Variants in SEM1 observed in about 807,000 individuals in gnomAD.
The protein encoded by SEM1 is 26S proteasome complex subunit SEM1.
SEM1 carries 3 observed loss-of-function variants against 12.7 expected under a neutral mutation model. The ratio of observed to expected loss-of-function variants is 0.24; its 90% CI spans 0.11 to 0.61. The LOEUF (loss-of-function observed/expected upper bound fraction) is 0.61. SEM1 is among the 20% of genes least tolerant of loss of function. The pLI, the probability that SEM1 is intolerant of heterozygous loss-of-function variation, is 0.88. For missense variants in SEM1, 59 were observed against 81.3 expected, an observed-to-expected ratio of 0.73 and a Z score of 1.06; for synonymous variants, 30 against 27.8, an observed-to-expected ratio of 1.08 and a Z score of -0.25.
At chr7:96,679,440 C>A (rs999581597) in intron 2 of SEM1, among the ~76,000 whole-genome samples, 1 of 151,846 alleles carries the variant, frequency 6.6e-6, no homozygotes, top group African/African-American at 2.4e-5. Context: ...TATTTATGAA[C>A]CCTAACATAG....
chr7:96,505,553 T>C (rs1803730033), intron 3 of SEM1, among the ~76,000 whole-genome samples: 1 of 152,202 alleles, frequency 6.6e-6, no homozygotes, highest in Admixed American at 6.5e-5. Context: ...TTTTCTTGCA[T>C]TTCCTATTTT....
chr7:96,501,338 T>C (rs911336104), upstream of SEM1, among the ~76,000 whole-genome samples: 1 of 152,146 alleles, frequency 6.6e-6, no homozygotes, highest in African/African-American at 2.4e-5. Flanking sequence ...TTTAGTAATA[T>C]TAACTCCTAC....
At chr7:96,516,634 G>A (rs1381792757) in intron 2 of SEM1, among the ~76,000 whole-genome samples, 2 of 152,100 alleles carry the variant, frequency 1.3e-5, no homozygotes, top group Non-Finnish European at 2.9e-5. Context: ...ATTGATGGTG[G>A]AAATATAAAA....
chr7:96,501,004 A>G (rs972742428), upstream of SEM1, among the ~76,000 whole-genome samples: 2 of 152,200 alleles, frequency 1.3e-5, no homozygotes, highest in African/African-American at 2.4e-5. Flanking sequence ...ATGAAATCCC[A>G]AAGAACCAAG....
intron 2 of SEM1, among the ~76,000 whole-genome samples, chr7:96,613,309 TTC>T (rs1281829158): frequency 2.6e-5 from 4 of 152,242 alleles, no homozygotes; most frequent in African/African-American, 9.6e-5. Flanking sequence ...CGTTCATGGA[TTC>T]TCTTTTGAGC....
intron 2 of SEM1, among the ~76,000 whole-genome samples, chr7:96,517,578 C>G (rs1446442821): frequency 1.3e-5 from 2 of 152,108 alleles, no homozygotes; most frequent in Non-Finnish European, 2.9e-5. Context: ...GGGGAAACTT[C>G]ATATTTCTGG....
intron 2 of SEM1, among the ~76,000 whole-genome samples, chr7:96,642,013 G>C (rs1301604843): frequency 2.0e-5 from 3 of 151,944 alleles, no homozygotes; most frequent in African/African-American, 7.2e-5. Flanking sequence ...AATTTGCACT[G>C]TCCAATATGG....
chr7:96,486,789 T>C (rs892384240), intron 1 of SEM1, among the ~76,000 whole-genome samples: 1 of 152,218 alleles, frequency 6.6e-6, no homozygotes, highest in African/African-American at 2.4e-5. Context: ...GGGATGGGTG[T>C]GTAGTTGCAG....
chr7:96,623,525 CATAT>C (rs1807961220), intron 2 of SEM1, among the ~76,000 whole-genome samples: 1 of 145,446 alleles, frequency 6.9e-6, no homozygotes, highest in African/African-American at 2.5e-5. Context: ...TAAATATATT[CATAT>C]ATACTTGTTT....
chr7:96,533,779 T>C (rs957104088), intron 2 of SEM1, among the ~76,000 whole-genome samples: 1 of 152,006 alleles, frequency 6.6e-6, no homozygotes, highest in Non-Finnish European at 1.5e-5. Flanking sequence ...TTTCATTGCA[T>C]CATCATTTGA....
At chr7:96,538,962 G>A (rs1284430797) in intron 2 of SEM1, among the ~76,000 whole-genome samples, 1 of 151,778 alleles carries the variant, frequency 6.6e-6, no homozygotes, top group African/African-American at 2.4e-5. Flanking sequence ...ACCTGCTATG[G>A]TTGCTATAAA....
intron 2 of SEM1, among the ~76,000 whole-genome samples, chr7:96,601,858 C>G (rs1807208982): frequency 1.3e-5 from 2 of 151,716 alleles, no homozygotes; most frequent in Non-Finnish European, 2.9e-5. Context: ...TAGGGAGGTA[C>G]CAGTGAAGGT....
downstream of SEM1, among the ~76,000 whole-genome samples, chr7:96,618,877 GGT>G (rs1197294584): frequency 6.6e-6 from 1 of 152,024 alleles, no homozygotes; most frequent in African/African-American, 2.4e-5. Context: ...CTTGAGCCCA[GGT>G]GTTCAAGGCT....
downstream of SEM1, chr7:96,673,205 T>G (rs1789366923): frequency 6.6e-6 from 1 of 152,198 alleles, no homozygotes; most frequent in Admixed American, 6.5e-5. Context: ...AACCTCCACC[T>G]CCCGGGTTCA....
upstream of SEM1, chr7:96,496,453 A>G (rs1778879138): frequency 2.8e-5 from 16 of 561,596 alleles, no homozygotes; most frequent in South Asian, 4.1e-4. Context: ...AACAAATGGA[A>G]CATATGTTTT....
At chr7:96,646,012 T>A (rs942952429) in intron 2 of SEM1, 1 of 396,652 alleles carries the variant, frequency 2.5e-6, no homozygotes, top group African/African-American at 2.1e-5. Flanking sequence ...TTTCACTGAT[T>A]CATCATGTCT....
chr7:96,592,666 G>A (rs1272698902), intron 2 of SEM1, among the ~76,000 whole-genome samples: 1 of 151,634 alleles, frequency 6.6e-6, no homozygotes, highest in Non-Finnish European at 1.5e-5. Context: ...GCAATCTGTA[G>A]GAGCAGAGAT....
chr7:96,603,937 G>T (rs1807267148), intron 2 of SEM1, among the ~76,000 whole-genome samples: 1 of 150,688 alleles, frequency 6.6e-6, no homozygotes, highest in South Asian at 2.1e-4. Context: ...CATAAATTTT[G>T]TATTTGTGGC....
chr7:96,691,900 T>G (rs1355827505), intron 2 of SEM1, among the ~76,000 whole-genome samples: 2 of 152,202 alleles, frequency 1.3e-5, no homozygotes, highest in South Asian at 2.1e-4. Flanking sequence ...ACTGGCAATG[T>G]GGCAACAATC....
Sources: allele counts gnomAD v4.1 joint callset (sites outside exome capture counted in the v4.1 genomes callset), GRCh38; gene constraint gnomAD v4.1.1; transcripts MANE v1.5; gene names NCBI Gene and HGNC (gene_info 2026-07-23, HGNC 2026-07-21).